Variants in EPHA5 observed in about 807,000 individuals in gnomAD.
EPHA5 encodes the protein EPH receptor A5.
In EPHA5, 60 loss-of-function variants were observed where a neutral mutation model predicts 105.0. The observed-to-expected ratio is 0.57, with a 90% CI of 0.46 to 0.71. The LOEUF (loss-of-function observed/expected upper bound fraction) is 0.71, where lower values mean the gene tolerates loss of function less well. EPHA5 is among the 30% of genes least tolerant of loss of function. The pLI is 0.00. For synonymous variants in EPHA5, 513 were observed against 449.1 expected (o/e 1.14, Z -1.80); for missense variants, 1,218 against 1,274.7 (o/e 0.96, Z 0.68).
intron 3 of EPHA5, among the ~76,000 whole-genome samples, chr4:65,534,214 T>A (rs2149308339): frequency 6.6e-6 from 1 of 152,240 alleles, no homozygotes; most frequent in Admixed American, 6.5e-5. Context: ...TTGGGTAAAA[T>A]TGAAAATTAA....
intron 5 of EPHA5, among the ~76,000 whole-genome samples, chr4:65,436,123 G>A (rs1471462916): frequency 6.6e-6 from 1 of 151,942 alleles, no homozygotes; most frequent in Non-Finnish European, 1.5e-5. Flanking sequence ...ACTGATGAGA[G>A]TTGCTTAATT....
At chr4:65,653,156 G>T (rs1748757996) in intron 1 of EPHA5, among the ~76,000 whole-genome samples, 1 of 151,862 alleles carries the variant, frequency 6.6e-6, no homozygotes, top group South Asian at 2.1e-4. Context: ...TTCAGGGGAG[G>T]ATAAATGAGG....
intron 2 of EPHA5, among the ~76,000 whole-genome samples, chr4:65,608,853 T>C (rs1744489893): frequency 6.6e-6 from 1 of 152,210 alleles, no homozygotes; most frequent in Non-Finnish European, 1.5e-5. Flanking sequence ...TGTCTACAAT[T>C]AGAAATCTGT....
intron 3 of EPHA5, among the ~76,000 whole-genome samples, chr4:65,592,309 G>A (rs1742741962): frequency 1.3e-5 from 2 of 152,216 alleles, no homozygotes; most frequent in Middle Eastern, 3.4e-3. Context: ...AAAGCCTGGA[G>A]TGGTGAGTGC....
At chr4:65,561,381 A>G (rs905994962) in intron 3 of EPHA5, among the ~76,000 whole-genome samples, 2 of 115,304 alleles carry the variant, frequency 1.7e-5, no homozygotes, top group Admixed American at 1.1e-4. Context: ...TCATAGGCAT[A>G]TAGGGTATCC....
intron 1 of EPHA5, chr4:65,669,315 C>A (rs1750246595): frequency 1.1e-6 from 1 of 875,538 alleles, no homozygotes; most frequent in African/African-American, 1.8e-5. Context: ...CCTTCCCAGC[C>A]CCCCAACCAG....
chr4:65,335,909 A>G, intron 15 of EPHA5, 23 bp downstream of exon 15: 3 of 1,563,838 alleles, frequency 1.9e-6, no homozygotes, highest in Non-Finnish European at 2.6e-6. Context: ...ATTCTGGAAA[A>G]TCACTCGGAT....
chr4:65,370,581 T>G (rs1718360885), intron 8 of EPHA5, among the ~76,000 whole-genome samples: 1 of 152,148 alleles, frequency 6.6e-6, no homozygotes, highest in South Asian at 2.1e-4. Flanking sequence ...GCTTTCAAAA[T>G]TGTATCCTCA....
chr4:65,352,422 T>C (rs1722901609), intron 12 of EPHA5, among the ~76,000 whole-genome samples: 1 of 152,050 alleles, frequency 6.6e-6, no homozygotes, highest in South Asian at 2.1e-4. Context: ...ATATGTTACA[T>C]TGTCTAACAC....
intron 14 of EPHA5, among the ~76,000 whole-genome samples, chr4:65,347,812 C>T (rs1237092633): frequency 1.3e-5 from 2 of 152,096 alleles, no homozygotes; most frequent in African/African-American, 4.8e-5. Context: ...CACTACAGTA[C>T]AGCTAAAACT....
Position 65,461,609 on chromosome 4 carries a change from C to T in EPHA5, c.1402+28768G>A, listed in dbSNP as rs534816396. 1.1e-3 allele frequency among the ~76,000 whole-genome samples: 166 copies of T among 151,778 alleles called. 1 individual carries two copies. Among genetic ancestry groups the T allele is most frequent in the African/African-American group, 3.7e-3 (155 of 41,446 alleles). ...CACAAAAGAGCAGATTAATGGAGGA[C>T]GTAGAAAAAGAAAGACTATTAATCA... On this transcript the variant is annotated intron_variant, in intron 5 of 16. Transcript: ENST00000613740.
chr4:65,591,693 G>A (rs1246981787), intron 3 of EPHA5, among the ~76,000 whole-genome samples: 1 of 151,794 alleles, frequency 6.6e-6, no homozygotes, highest in Non-Finnish European at 1.5e-5. Context: ...CCTAAGTCAT[G>A]TAAATTATTT....
chr4:65,659,417 T>A (rs1320598750), intron 1 of EPHA5, among the ~76,000 whole-genome samples: 1 of 150,466 alleles, frequency 6.6e-6, no homozygotes, highest in Non-Finnish European at 1.5e-5. Flanking sequence ...TGGGAACAGT[T>A]CTCCCCTTGT....
At chr4:65,342,114 C>T (rs556942920) in intron 14 of EPHA5, among the ~76,000 whole-genome samples, 13 of 151,900 alleles carry the variant, frequency 8.6e-5, no homozygotes, top group African/African-American at 3.1e-4. Context: ...TGAAACTGAC[C>T]AAGAGTTGTA....
chr4:65,461,499 A>G (rs1458292158), intron 5 of EPHA5, among the ~76,000 whole-genome samples: 1 of 152,078 alleles, frequency 6.6e-6, no homozygotes, highest in African/African-American at 2.4e-5. Flanking sequence ...AGGTAAACTA[A>G]TAATTTCCTC....
chr4:65,645,552 T>C lies in EPHA5; in HGVS notation c.182-2125A>G, dbSNP rs1197909417. Among the ~76,000 whole-genome samples the C allele has an allele frequency of 2.6e-5, 4 of 152,056 alleles. No homozygotes were observed. The East Asian group carries it at 7.7e-4, about 29-fold the overall frequency. The stretch of plus-strand genomic sequence containing the variant: ...GAAGTATTATCAACAGAATTTCAGA[T>C]GGTTTTTCAAGATTCAGTTAACTGC... On this transcript the variant is annotated intron_variant, in intron 1 of 16. Transcript: ENST00000613740.
At chr4:65,378,474 A>G (rs932563049) in intron 8 of EPHA5, among the ~76,000 whole-genome samples, 6 of 151,928 alleles carry the variant, frequency 3.9e-5, no homozygotes, top group Admixed American at 2.0e-4. Context: ...AAAATTTTAT[A>G]TAAGTTAACT....
chr4:65,650,848 AACC>A (rs1748547411), intron 1 of EPHA5, among the ~76,000 whole-genome samples: 1 of 152,162 alleles, frequency 6.6e-6, no homozygotes, highest in South Asian at 2.1e-4. Context: ...GATCTTTGTA[AACC>A]ACCAATATAA....
At chr4:65,328,784 G>A (rs1042110361) in intron 16 of EPHA5, among the ~76,000 whole-genome samples, 1 of 150,892 alleles carries the variant, frequency 6.6e-6, no homozygotes, top group African/African-American at 2.4e-5. Flanking sequence ...ATGTTGTCAG[G>A]GCTAGAACAC....
Sources: allele counts gnomAD v4.1 joint callset (sites outside exome capture counted in the v4.1 genomes callset), GRCh38; gene constraint gnomAD v4.1.1; transcripts MANE v1.5; gene names NCBI Gene and HGNC (gene_info 2026-07-23, HGNC 2026-07-21).